Variants in AGPAT3 observed in about 807,000 individuals in gnomAD.
AGPAT3 encodes 1-acylglycerol-3-phosphate O-acyltransferase 3.
In AGPAT3, 5 loss-of-function variants were observed where a neutral mutation model predicts 47.3. The ratio of observed to expected loss-of-function variants is 0.11; its 90% CI spans 0.06 to 0.22. The LOEUF is 0.22. AGPAT3 is among the 10% of genes least tolerant of loss of function. AGPAT3 has a pLI of 1.00. For missense variants in AGPAT3, 315 were observed against 493.0 expected (o/e 0.64, Z 3.42); for synonymous variants, 212 against 208.3 (o/e 1.02, Z -0.15).
chr21:43,911,959 C>G (rs1347948254), intron 2 of AGPAT3, among the ~76,000 whole-genome samples: 2 of 152,252 alleles, frequency 1.3e-5, no homozygotes, highest in Non-Finnish European at 2.9e-5. Context: ...AAGGCTGCCC[C>G]TGGAGCTTCC....
chr21:43,974,797 G>A (rs985328080), intron 7 of AGPAT3, among the ~76,000 whole-genome samples: 1 of 152,162 alleles, frequency 6.6e-6, no homozygotes, highest in Non-Finnish European at 1.5e-5. Flanking sequence ...TGGGCCTCTG[G>A]GCAGGCCCCT....
Position 43,933,637 on chromosome 21 carries a change from CGG to C in AGPAT3, c.-48-25996_-48-25995del, listed in dbSNP as rs1160629392. 1.4e-4 allele frequency among the ~76,000 whole-genome samples: 21 copies of C among 152,024 alleles called. No individual in the cohort carries two copies. The highest frequency in any genetic ancestry group is 3.9e-4 in the Admixed American group (6 of 15,270). ...AGGAAACTGAGGCACAGCTTGGAAG[CGG>C]TTGGCACTGGGGTTAGGCTCCAGTA... On this transcript the variant is annotated intron_variant, in intron 2 of 9. Coordinates refer to ENST00000291572, the MANE Select transcript of AGPAT3 (RefSeq NM_020132.5). The surrounding 1 kb of genome is among the most constrained non-coding windows in gnomAD (Gnocchi z 6.0).
At chr21:43,893,756 C>T (rs771457071) in intron 1 of AGPAT3, among the ~76,000 whole-genome samples, 7 of 152,160 alleles carry the variant, frequency 4.6e-5, no homozygotes, top group Admixed American at 2.0e-4. Context: ...GCCGCTCGGC[C>T]GAGCAGTTCA....
At chr21:43,906,045 G>A (rs78109015) in intron 2 of AGPAT3, among the ~76,000 whole-genome samples, 4 of 152,300 alleles carry the variant, frequency 2.6e-5, no homozygotes, top group East Asian at 3.9e-4. Flanking sequence ...GATGGAAATC[G>A]GTTTGATCTC....
Position 43,958,746 on chromosome 21 carries a change from T to G in AGPAT3, c.-48-888T>G, listed in dbSNP as rs530533187. On this transcript the variant is annotated intron_variant, in intron 2 of 9. Coordinates refer to ENST00000291572, the MANE Select transcript of AGPAT3 (RefSeq NM_020132.5). ...GTGGTGTGTGTGGCATGTGTGTGGT[T>G]TGCAGTGTGTAGTGTGTGTGGTTTG... Among the ~76,000 whole-genome samples the G allele has an allele frequency of 5.0e-3, 503 of 100,474 alleles. 12 individuals are homozygous for G. The highest frequency in any genetic ancestry group is 0.022 in the African/African-American group (452 of 20,536). The allele number at this position is 100,474 out of a possible 152,430, so 65.9% of individuals were successfully genotyped here.
intron 1 of AGPAT3, among the ~76,000 whole-genome samples, chr21:43,886,797 A>T (rs985508908): frequency 1.3e-5 from 2 of 152,192 alleles, no homozygotes; most frequent in Non-Finnish European, 2.9e-5. Context: ...TTATGGCTGA[A>T]TAATACTCCA....
intron 1 of AGPAT3, among the ~76,000 whole-genome samples, chr21:43,882,810 CT>C (rs1263657495): frequency 1.3e-5 from 2 of 152,164 alleles, no homozygotes; most frequent in African/African-American, 4.8e-5. Flanking sequence ...GGTGGTGCCC[CT>C]GGGTGGGGCT....
At chr21:43,953,456 A>C (rs536585020) in intron 2 of AGPAT3, among the ~76,000 whole-genome samples, 2 of 152,372 alleles carry the variant, frequency 1.3e-5, no homozygotes, top group South Asian at 4.1e-4. Flanking sequence ...TTTAGCTTAA[A>C]GCCTGTGCAT....
At chr21:43,969,878 T>G (rs2089321613) in intron 5 of AGPAT3, among the ~76,000 whole-genome samples, 1 of 152,094 alleles carries the variant, frequency 6.6e-6, no homozygotes, top group African/African-American at 2.4e-5. Flanking sequence ...TTTGTATTTT[T>G]AGTAGAGATG....
chr21:43,977,602 G>T (rs1315229871), intron 7 of AGPAT3, among the ~76,000 whole-genome samples: 5 of 152,240 alleles, frequency 3.3e-5, no homozygotes, highest in Admixed American at 3.3e-4. Context: ...GAGAGGCTGG[G>T]CGCAGTGGCT....
chr21:43,906,265 C>T (rs886507726), intron 2 of AGPAT3, among the ~76,000 whole-genome samples: 1 of 152,058 alleles, frequency 6.6e-6, no homozygotes, highest in Non-Finnish European at 1.5e-5. Context: ...TGGCATGCCA[C>T]GTATCACTTT....
At chr21:43,871,715 A>C (rs2085628521) in intron 1 of AGPAT3, among the ~76,000 whole-genome samples, 1 of 152,176 alleles carries the variant, frequency 6.6e-6, no homozygotes, top group African/African-American at 2.4e-5. Flanking sequence ...CATGTGCTTC[A>C]TCCATTTTTC....
chr21:43,875,378 T>C (rs552862884), intron 1 of AGPAT3, among the ~76,000 whole-genome samples: 45 of 152,320 alleles, frequency 3.0e-4, no homozygotes, highest in African/African-American at 1.1e-3. Context: ...CACCCAAATA[T>C]CTTTGATCCA....
intron 1 of AGPAT3, among the ~76,000 whole-genome samples, chr21:43,891,599 C>T (rs1304034958): frequency 6.6e-6 from 1 of 151,558 alleles, no homozygotes; most frequent in Non-Finnish European, 1.5e-5. Context: ...TGCCACTGCA[C>T]TCCAGTCTGG....
chr21:43,975,236 TTGGTGTGTGCTGGTGTG>T (rs2089563551), intron 7 of AGPAT3, among the ~76,000 whole-genome samples: 5 of 150,008 alleles, frequency 3.3e-5, no homozygotes, highest in Admixed American at 3.3e-4. Context: ...TGGTAATGTT[TTGGTGTGTGCTGGTGTG>T]TGGTGTGTTC....
Position 43,922,871 on chromosome 21 carries a change from CA to C in AGPAT3, c.-49+18853del, listed in dbSNP as rs1188202808. Among the ~76,000 whole-genome samples the C allele has an allele frequency of 6.6e-6, 1 of 152,184 alleles. No individual in the cohort carries two copies. Among genetic ancestry groups the C allele is most frequent in the African/African-American group, 2.4e-5 (1 of 41,440 alleles). ...TCGCTGTGTGATGTGACTGGCTGCC[CA>C]GTGGTGGTGGCAGAGCCAGCCTGGG... On this transcript the variant is annotated intron_variant, in intron 2 of 9. Transcript: ENST00000291572. The surrounding 1 kb of genome is among the most constrained non-coding windows in gnomAD (Gnocchi z 4.9).
intron 3 of AGPAT3, 64 bp downstream of exon 3, chr21:43,959,923 C>A: frequency 2.0e-6 from 3 of 1,504,366 alleles, no homozygotes; most frequent in Non-Finnish European, 2.7e-6. Context: ...CGCGACCATG[C>A]ACGGGGCAGC....
At chr21:43,905,154 A>AT (rs1569056322) in intron 2 of AGPAT3, among the ~76,000 whole-genome samples, 3 of 115,212 alleles carry the variant, frequency 2.6e-5, no homozygotes, top group Non-Finnish European at 5.4e-5. Flanking sequence ...TTTTAAAAAA[A>AT]ATATTTATTT....
chr21:43,974,923 C>T (rs78664862), intron 7 of AGPAT3, among the ~76,000 whole-genome samples: 1 of 152,342 alleles, frequency 6.6e-6, no homozygotes, highest in East Asian at 1.9e-4. Flanking sequence ...CTTTTATTTA[C>T]TGGGACGTGA....
Sources: gnomAD v4.1 joint callset for allele counts (sites outside exome capture counted in the v4.1 genomes callset) on GRCh38, gnomAD v4.1.1 for gene constraint, Gnocchi (gnomAD v3.1) non-coding constraint, MANE v1.5 for transcripts, NCBI Gene and HGNC (gene_info 2026-07-23, HGNC 2026-07-21) for gene names.